Variants in SLFN12 observed in about 807,000 individuals in gnomAD.
SLFN12 encodes schlafen family member 12.
A neutral mutation model predicts 29.1 loss-of-function variants in SLFN12; 25 were observed. The ratio of observed to expected loss-of-function variants is 0.86; its 90% confidence interval spans 0.63 to 1.20. The LOEUF (loss-of-function observed/expected upper bound fraction) is 1.20. Among genes scored for constraint, SLFN12 ranks in the 50% most tolerant of loss-of-function variants. The pLI is 0.00. For missense variants in SLFN12, 660 were observed against 666.2 expected, an observed-to-expected ratio of 0.99 and a Z score of 0.10; for synonymous variants, 257 against 238.7, an observed-to-expected ratio of 1.08 and a Z score of -0.71.
chr17:35,422,195 C>T lies in SLFN12; in HGVS notation c.834G>A (p.Met278Ile), dbSNP rs73989719. Residue 278 changes from methionine (M) to isoleucine (I), a missense_variant, in exon 2 of 4, where the codon ATG becomes ATA. Met to Ile is a conservative substitution (Grantham distance 10). Coordinates refer to ENST00000304905, the MANE Select transcript of SLFN12 (RefSeq NM_018042.5). ...ATGAATAATTTATCTTCTTCTTCTC[C>T]ATACAGAAGTGATGCACAGGCATCT... Reference protein sequence around the residue: ...IRKMPVHHFCMEKKKINYSCK... With the variant: ...IRKMPVHHFCIEKKKINYSCK... 990 of 1,614,102 alleles carry T rather than the reference C, an allele frequency of 6.1e-4. 7 individuals are homozygous for T. The African/African-American group carries it at 0.011, about 18-fold the overall frequency.
rs1394662337 is a variant in SLFN12 at position 35,411,198 on chromosome 17, G to A, written c.*140C>T. ...CTGTGAAGATTATTTAGGGAGAAGT[G>A]AAAATAGACAAAACCCAATTATCCA... On this transcript the variant is annotated 3_prime_UTR_variant, in exon 4 of 4. Coordinates refer to ENST00000304905, the MANE Select transcript of SLFN12 (RefSeq NM_018042.5). The A allele has an allele frequency of 3.2e-6, 2 of 616,598 alleles. No individual in the cohort carries two copies. The highest frequency in any genetic ancestry group is 1.9e-5 in the African/African-American group (1 of 53,880). 38.2% of individuals were successfully genotyped at this position (616,598 alleles called of 1,614,324 possible). A position where few individuals can be genotyped will look rare whatever the true frequency, so the allele number is the denominator to read the frequency against.
At position 35,422,182 on chromosome 17, in the gene SLFN12, T is replaced by G. The variant is rs755010759; in HGVS notation, c.847A>C (p.Ile283Leu). 3 of 1,614,088 alleles carry G rather than the reference T, an allele frequency of 1.9e-6. No homozygotes were observed. The highest frequency in any genetic ancestry group is 2.5e-6 in the Non-Finnish European group (3 of 1,179,972). ...VHHFCMEKKK[I>L]NYSCKFLGVY... ...CCAAGGAATTTGCATGAATAATTTA[T>G]CTTCTTCTTCTCCATACAGAAGTGA... The change falls in exon 2 of 4, where the codon ATA (isoleucine) becomes CTA (leucine). Residue 283 changes from isoleucine (I) to leucine (L), a missense_variant. By Grantham distance (5) the Ile-to-Leu change is conservative. Coordinates refer to ENST00000304905, the MANE Select transcript of SLFN12 (RefSeq NM_018042.5).
In SLFN12 at chr17:35,411,861, C is replaced by A. The variant is rs372291984; in HGVS notation, c.1214G>T (p.Gly405Val). ...TTCTTCACATATTAATTGCTTAAGT[C>A]CTTCATGTTGTAAGAACAGTTTTCT... The part of the protein sequence containing the change: ...LCRKLFLQHE[G>V]LKQLICEEMD... The change falls in exon 4 of 4, where the codon GGA becomes GTA. Residue 405 changes from glycine (G) to valine (V), a missense_variant. Physicochemically the swap from Gly to Val is moderately radical, Grantham distance 109 (BLOSUM62 -3). Coordinates refer to ENST00000304905, the MANE Select transcript of SLFN12 (RefSeq NM_018042.5). 1.2e-6 allele frequency: 2 copies of A among 1,613,788 alleles called. No homozygotes were observed. The highest frequency in any genetic ancestry group is 1.7e-6 in the Non-Finnish European group (2 of 1,179,926).
chr17:35,411,428 G>C lies in SLFN12; in HGVS notation c.1647C>G (p.Ser549=), dbSNP rs1453740069. The part of the protein sequence containing the change: ...KRLKSLRDQF[S]FAENLYQIIG... ...TTATCTGGTATAGATTTTCTGCAAAGGAAAACTGGTCTCTCAGAGACTTGA... is the reference window on the plus strand; with the variant it reads ...TTATCTGGTATAGATTTTCTGCAAACGAAAACTGGTCTCTCAGAGACTTGA... The change falls in exon 4 of 4, where the codon TCC becomes TCG. Residue 549 remains serine, a synonymous_variant. Coordinates refer to ENST00000304905, the MANE Select transcript of SLFN12 (RefSeq NM_018042.5). 2 of 1,611,858 alleles carry C rather than the reference G, an allele frequency of 1.2e-6. No homozygotes were observed. Among genetic ancestry groups the C allele is most frequent in the East Asian group, 4.5e-5 (2 of 44,878 alleles).
chr17:35,421,374 C>T (rs1206385335), intron 2 of SLFN12, among the ~76,000 whole-genome samples: 1 of 151,540 alleles, frequency 6.6e-6, no homozygotes, highest in African/African-American at 2.4e-5. Flanking sequence ...AAGGATTAAA[C>T]GGGGTTTCCT....
Position 35,431,733 on chromosome 17 carries a change from G to A in SLFN12, c.-41+455C>T, listed in dbSNP as rs180676382. The A allele has an allele frequency of 4.6e-5, 7 of 152,252 alleles. No individual in the cohort carries two copies. In the East Asian group the frequency reaches 1.4e-3, roughly 29 times the overall value. 9.4% of individuals were successfully genotyped at this position (152,252 alleles called of 1,614,324 possible). A position where few individuals can be genotyped will look rare whatever the true frequency, so the allele number is the denominator to read the frequency against. ...TCTAGCATCCTTATAATTTGATAAG[G>A]CCATGCTTTCCCATGGTTCCCATTC... is the stretch of plus-strand genomic sequence containing the variant. On this transcript the variant is annotated intron_variant, in intron 1 of 3. Coordinates refer to ENST00000304905, the MANE Select transcript of SLFN12 (RefSeq NM_018042.5).
At chr17:35,433,154 C>T (rs898242732), upstream of SLFN12, 1 of 152,222 alleles carries the variant, frequency 6.6e-6, no homozygotes, top group Non-Finnish European at 1.5e-5. Flanking sequence ...TCACTCTCCA[C>T]AGAGTAAAAA....
At chr17:35,427,927 G>C (rs1425194485) in intron 1 of SLFN12, among the ~76,000 whole-genome samples, 4 of 152,060 alleles carry the variant, frequency 2.6e-5, no homozygotes, top group African/African-American at 9.7e-5. Context: ...TACAAAGATG[G>C]TTAAATCGAG....
At chr17:35,412,334 C>T (rs1911075876) in intron 3 of SLFN12, among the ~76,000 whole-genome samples, 1 of 152,070 alleles carries the variant, frequency 6.6e-6, no homozygotes, top group African/African-American at 2.4e-5. Flanking sequence ...ACAAATTTCC[C>T]TCAACTCATT....
At position 35,411,625 on chromosome 17, in the gene SLFN12, T is replaced by C; in HGVS notation, c.1450A>G (p.Ile484Val). The C allele has an allele frequency of 6.2e-7, 1 of 1,614,074 alleles. No homozygotes were observed. The highest frequency in any genetic ancestry group is 8.5e-7 in the Non-Finnish European group (1 of 1,179,988). The change falls in exon 4 of 4, where the codon ATT (isoleucine) becomes GTT (valine). Residue 484 changes from isoleucine (I) to valine (V), a missense_variant. Ile to Val is a conservative substitution (Grantham distance 29). Transcript: ENST00000304905. ...ALTLKQKLAK[I>V]GGYTKKVCVM... The stretch of plus-strand genomic sequence containing the variant: ...CACACTTTTTTAGTGTAACCACCAA[T>C]TTTTGCCAGCTTCTGCTTTAAGGTT...
At position 35,422,288 on chromosome 17, in the gene SLFN12, T is replaced by C; in HGVS notation, c.741A>G (p.Ile247Met). 1 of 1,613,888 alleles carries C rather than the reference T, an allele frequency of 6.2e-7. No individual in the cohort carries two copies. Among genetic ancestry groups the C allele is most frequent in the Non-Finnish European group, 8.5e-7 (1 of 1,179,908 alleles). Residue 247 changes from isoleucine to methionine, a missense_variant, in exon 2 of 4, where the codon ATA (isoleucine) becomes ATG (methionine). Coordinates refer to ENST00000304905, the MANE Select transcript of SLFN12 (RefSeq NM_018042.5). Reference protein sequence around the residue: ...LFIGLNEDKEIIGFKAEMSDL... With the variant: ...LFIGLNEDKEMIGFKAEMSDL... ...CACTCATCTCTGCTTTAAAGCCAAT[T>C]ATTTCTTTATCTTCATTTAAACCAA...
intron 3 of SLFN12, among the ~76,000 whole-genome samples, chr17:35,416,794 C>G (rs1911342865): frequency 1.3e-5 from 2 of 152,044 alleles, no homozygotes; most frequent in South Asian, 4.1e-4. Flanking sequence ...TGGCTCAAGC[C>G]TGTAATCCTA....
At chr17:35,429,663 C>T (rs1033671677) in intron 1 of SLFN12, among the ~76,000 whole-genome samples, 2 of 152,100 alleles carry the variant, frequency 1.3e-5, no homozygotes, top group Admixed American at 6.5e-5. Context: ...GAACTGCCCA[C>T]AGGGTGGGAC....
Position 35,411,311 on chromosome 17 carries a change from T to C in SLFN12, c.*27A>G, listed in dbSNP as rs376129122. 2 of 1,376,374 alleles carry C rather than the reference T, an allele frequency of 1.5e-6. No homozygotes were observed. The highest frequency in any genetic ancestry group is 2.9e-5 in the African/African-American group (2 of 68,576). The allele number at this position is 1,376,374 out of a possible 1,614,324, so 85.3% of individuals were successfully genotyped here. A position where few individuals can be genotyped will look rare whatever the true frequency, so the allele number is the denominator to read the frequency against. On this transcript the variant is annotated 3_prime_UTR_variant, in exon 4 of 4. Coordinates refer to ENST00000304905, the MANE Select transcript of SLFN12 (RefSeq NM_018042.5). Reference sequence around the variant, plus strand: ...ATGTTATCAAATATATAATGAAAAATATCTCAGTAGCCCAGTCCATTTTCC... The same window carrying C: ...ATGTTATCAAATATATAATGAAAAACATCTCAGTAGCCCAGTCCATTTTCC...
chr17:35,418,134 T>C (rs1911423671), intron 3 of SLFN12, among the ~76,000 whole-genome samples: 1 of 152,064 alleles, frequency 6.6e-6, no homozygotes, highest in Admixed American at 6.6e-5. Flanking sequence ...GATTAAATGA[T>C]TAAAAATTGC....
chr17:35,427,968 G>T (rs2142049754), intron 1 of SLFN12, among the ~76,000 whole-genome samples: 1 of 152,134 alleles, frequency 6.6e-6, no homozygotes, highest in Non-Finnish European at 1.5e-5. Context: ...AGACAGAAAA[G>T]AAGCCAGATT....
chr17:35,411,953 A>T (rs1254668916), intron 3 of SLFN12, 26 bp from the exon 4 acceptor site: 1 of 1,476,648 alleles, frequency 6.8e-7, no homozygotes, highest in Non-Finnish European at 9.0e-7. Context: ...ATAATAATAA[A>T]TTATAAAACA....
At position 35,420,188 on chromosome 17, in the gene SLFN12, C is replaced by A. The variant is rs912308030; in HGVS notation, c.1147+86G>T. 14 of 921,178 alleles carry A rather than the reference C, an allele frequency of 1.5e-5. No homozygotes were observed. The South Asian group carries it at 1.7e-4, about 11-fold the overall frequency. 57.1% of individuals were successfully genotyped at this position (921,178 alleles called of 1,614,324 possible). The stretch of plus-strand genomic sequence containing the variant: ...TAAACACAAGAATGTGCTTTCAGAG[C>A]AAATTTCAAGACTGAGCTGGTTTGA... On this transcript the variant is annotated intron_variant, in intron 3 of 3. Coordinates refer to ENST00000304905, the MANE Select transcript of SLFN12 (RefSeq NM_018042.5).
chr17:35,429,481 G>A (rs1912191216), intron 1 of SLFN12, among the ~76,000 whole-genome samples: 2 of 152,074 alleles, frequency 1.3e-5, no homozygotes, highest in East Asian at 1.9e-4. Context: ...TAAACCTTGG[G>A]TCTAGGTTTA....
Sources: allele counts gnomAD v4.1 joint callset (sites outside exome capture counted in the v4.1 genomes callset), GRCh38; gene constraint gnomAD v4.1.1; transcripts MANE v1.5; gene names NCBI Gene and HGNC (gene_info 2026-07-23, HGNC 2026-07-21).